Variants in EYS observed in about 807,000 individuals in gnomAD.
EYS encodes the protein EGF-like photoreceptor maintenance factor.
Under a neutral mutation model 282.1 loss-of-function variants are expected in EYS, and 250 were observed. The ratio of observed to expected loss-of-function variants is 0.89; its 90% CI spans 0.80 to 0.98. The LOEUF (loss-of-function observed/expected upper bound fraction) is 0.98. EYS is among the 50% of genes least tolerant of loss of function. The pLI is 0.00. For synonymous variants in EYS, 1,355 were observed against 1,282.9 expected, an observed-to-expected ratio of 1.06 and a Z score of -1.20; for missense variants, 4,016 against 3,709.0, an observed-to-expected ratio of 1.08 and a Z score of -2.15.
chr6:63,831,276 T>C (rs1268915891), intron 36 of EYS, among the ~76,000 whole-genome samples: 1 of 152,174 alleles, frequency 6.6e-6, no homozygotes, highest in African/African-American at 2.4e-5. Flanking sequence ...ACTGGCAAAT[T>C]GGATAAAGAG....
intron 28 of EYS, among the ~76,000 whole-genome samples, chr6:64,430,510 A>G (rs550515098): frequency 6.6e-6 from 1 of 152,222 alleles, no homozygotes; most frequent in African/African-American, 2.4e-5. Context: ...ATAAACCACT[A>G]AAAACCAAGA....
At chr6:64,612,586 A>T (rs1006124001) in intron 24 of EYS, among the ~76,000 whole-genome samples, 10 of 152,086 alleles carry the variant, frequency 6.6e-5, no homozygotes, top group African/African-American at 2.2e-4. Context: ...ATATTCACTA[A>T]TTATCAGCTT....
intron 29 of EYS, among the ~76,000 whole-genome samples, chr6:64,315,136 ACTATAAACAC>A (rs1406487345): frequency 1.3e-5 from 2 of 152,334 alleles, no homozygotes; most frequent in Middle Eastern, 3.4e-3. Flanking sequence ...ATTAGAGAAT[ACTATAAACAC>A]CTCTACACAA....
chr6:64,324,288 T>G (rs1770327251), intron 29 of EYS, among the ~76,000 whole-genome samples: 1 of 152,200 alleles, frequency 6.6e-6, no homozygotes, highest in Admixed American at 6.5e-5. Flanking sequence ...TTCACCATGA[T>G]GAGGTAGGCT....
At chr6:64,062,518 C>A (rs976676535) in intron 33 of EYS, among the ~76,000 whole-genome samples, 6 of 151,902 alleles carry the variant, frequency 3.9e-5, no homozygotes, top group Non-Finnish European at 7.4e-5. Context: ...ATGGCAAAAC[C>A]CCCTCTCTAC....
intron 26 of EYS, among the ~76,000 whole-genome samples, chr6:64,442,354 T>G (rs1774976977): frequency 6.6e-6 from 1 of 152,088 alleles, no homozygotes; most frequent in Admixed American, 6.6e-5. Context: ...GGCATTCAGT[T>G]TTATAAGTGA....
intron 28 of EYS, among the ~76,000 whole-genome samples, chr6:64,407,783 G>A (rs1358568173): frequency 6.6e-6 from 1 of 152,102 alleles, no homozygotes; most frequent in African/African-American, 2.4e-5. Context: ...CCAGGCTGGA[G>A]TGCAATGGTG....
chr6:65,059,906 C>T (rs2150158793), intron 12 of EYS, among the ~76,000 whole-genome samples: 1 of 152,086 alleles, frequency 6.6e-6, no homozygotes, highest in African/African-American at 2.4e-5. Flanking sequence ...TTCTAAATTT[C>T]TGGTGAAGTT....
At chr6:64,848,078 A>G (rs564099889) in intron 19 of EYS, among the ~76,000 whole-genome samples, 2 of 152,136 alleles carry the variant, frequency 1.3e-5, no homozygotes, top group East Asian at 1.9e-4. Context: ...CGAATTATTT[A>G]TGTATAAGAT....
At chr6:65,330,094 T>A (rs1769741094) in intron 11 of EYS, 1 of 980,040 alleles carries the variant, frequency 1.0e-6, no homozygotes, top group Non-Finnish European at 1.2e-6. Flanking sequence ...AAAAAATAAT[T>A]ACTTTAGTAC....
chr6:64,455,149 CA>C (rs1489832345), intron 26 of EYS, among the ~76,000 whole-genome samples: 4 of 152,054 alleles, frequency 2.6e-5, no homozygotes, highest in Non-Finnish European at 5.9e-5. Context: ...TGGACTCAGG[CA>C]ATCCTCCCTC....
chr6:65,419,935 T>C (rs1322130650), intron 5 of EYS, among the ~76,000 whole-genome samples: 3 of 152,134 alleles, frequency 2.0e-5, no homozygotes, highest in African/African-American at 7.2e-5. Flanking sequence ...AATAACTTCA[T>C]ATCTGAGGAA....
intron 35 of EYS, among the ~76,000 whole-genome samples, chr6:63,880,570 C>T (rs1050941275): frequency 6.6e-6 from 1 of 150,642 alleles, no homozygotes; most frequent in African/African-American, 2.5e-5. Flanking sequence ...CAGGCTTGGA[C>T]CAATATTTTG....
At chr6:64,639,185 A>G (rs527242176) in intron 22 of EYS, among the ~76,000 whole-genome samples, 1 of 89,454 alleles carries the variant, frequency 1.1e-5, no homozygotes, top group South Asian at 4.7e-4. Context: ...TAAGGACACC[A>G]GCCATGTTAG....
intron 5 of EYS, among the ~76,000 whole-genome samples, chr6:65,484,443 T>C (rs1765716302): frequency 6.6e-6 from 1 of 152,212 alleles, no homozygotes; most frequent in Non-Finnish European, 1.5e-5. Flanking sequence ...ATTTTTAACA[T>C]GAGGATAATA....
intron 35 of EYS, among the ~76,000 whole-genome samples, chr6:63,950,521 C>A (rs954573260): frequency 1.3e-5 from 2 of 152,096 alleles, no homozygotes; most frequent in Non-Finnish European, 2.9e-5. Flanking sequence ...CCCACCTGCA[C>A]CCAGGTGATT....
At chr6:65,323,646 A>C (rs1159067070) in intron 11 of EYS, among the ~76,000 whole-genome samples, 1 of 117,392 alleles carries the variant, frequency 8.5e-6, no homozygotes, top group Non-Finnish European at 1.8e-5. Flanking sequence ...ATCTCAGTCA[A>C]AGTAGCCCAG....
intron 12 of EYS, among the ~76,000 whole-genome samples, chr6:65,102,355 C>T (rs772532610): frequency 3.3e-5 from 5 of 151,202 alleles, no homozygotes; most frequent in Non-Finnish European, 7.4e-5. Context: ...CATATTTATT[C>T]GATGCTAATT....
At chr6:63,883,833 C>T (rs1016044480) in intron 35 of EYS, among the ~76,000 whole-genome samples, 1 of 152,204 alleles carries the variant, frequency 6.6e-6, no homozygotes, top group African/African-American at 2.4e-5. Flanking sequence ...GTATGATACT[C>T]TCATGGCTGA....
Sources: allele counts gnomAD v4.1 joint callset (sites outside exome capture counted in the v4.1 genomes callset), GRCh38; gene constraint gnomAD v4.1.1; transcripts MANE v1.5; gene names NCBI Gene and HGNC (gene_info 2026-07-23, HGNC 2026-07-21).